SWT1: variants seen among roughly 807,000 people sequenced by gnomAD.
SWT1 encodes transcriptional protein SWT1.
A neutral mutation model predicts 107.3 loss-of-function variants in SWT1; 33 were observed. The observed-to-expected ratio is 0.31, with a 90% CI of 0.23 to 0.41. The LOEUF (loss-of-function observed/expected upper bound fraction) is 0.41, where lower values mean the gene tolerates loss of function less well. SWT1 is among the 10% of genes least tolerant of loss of function. The pLI, the probability that SWT1 is intolerant of heterozygous loss-of-function variation, is 1.00. For synonymous variants in SWT1, 345 were observed against 348.3 expected (o/e 0.99, Z 0.11); for missense variants, 898 against 1,028.9 (o/e 0.87, Z 1.74).
rs76482211 is a variant in SWT1, at chr1:185,205,709, A to T, written c.1833+846A>T. The stretch of plus-strand genomic sequence containing the variant: ...ATCAATCATAGCTTGTATCTATTCC[A>T]GCTGTTCTGTGAGATTCTAATATTT... On this transcript the variant is annotated intron_variant, in intron 12 of 18. Coordinates refer to ENST00000367500, the MANE Select transcript of SWT1 (RefSeq NM_017673.7). Among the ~76,000 whole-genome samples the T allele has an allele frequency of 5.9e-3, 902 of 152,280 alleles. 33 individuals are homozygous for T. The East Asian group carries it at 0.096, about 16-fold the overall frequency.
rs575718602 is a variant in SWT1 at position 185,206,565 on chromosome 1, C to CT, written c.1834-55dup. 8.0e-5 allele frequency: 86 copies of CT among 1,071,592 alleles called. No individual in the cohort carries two copies. In the African/African-American group the frequency reaches 1.3e-3, roughly 16 times the overall value. The allele number at this position is 1,071,592 out of a possible 1,614,324, so 66.4% of individuals were successfully genotyped here. A position where few individuals can be genotyped will look rare whatever the true frequency, so the allele number is the denominator to read the frequency against. Reference sequence around the variant, plus strand: ...ATATGTAGGAATTCCTAAATAGGTACTTTTTAATAATTGGAATAATAAATC... The same window carrying CT: ...ATATGTAGGAATTCCTAAATAGGTACTTTTTTAATAATTGGAATAATAAATC... On this transcript the variant is annotated intron_variant, in intron 12 of 18. Coordinates refer to ENST00000367500, the MANE Select transcript of SWT1 (RefSeq NM_017673.7).
intron 10 of SWT1, among the ~76,000 whole-genome samples, chr1:185,196,882 A>G (rs1177249900): frequency 2.0e-5 from 3 of 152,044 alleles, no homozygotes; most frequent in South Asian, 2.1e-4. Context: ...AAAATATGCA[A>G]TCATGTCATC....
chr1:185,237,288 C>G (rs1253364895), intron 16 of SWT1, among the ~76,000 whole-genome samples: 1 of 152,148 alleles, frequency 6.6e-6, no homozygotes, highest in Non-Finnish European at 1.5e-5. Context: ...ATAGCAAAGA[C>G]TTGAAACCAA....
chr1:185,202,685 A>T lies in SWT1; in HGVS notation c.1555A>T (p.Ile519Leu). 1 of 1,609,106 alleles carries T rather than the reference A, an allele frequency of 6.2e-7. No homozygotes were observed. The highest frequency in any genetic ancestry group is 1.1e-5 in the South Asian group (1 of 89,968). Reference sequence around the variant, plus strand: ...TAGAAACTTAAGAAACAAAGGCCTAATAAGTGGTGTGAAGTCACTCAGTAA... The same window carrying T: ...TAGAAACTTAAGAAACAAAGGCCTATTAAGTGGTGTGAAGTCACTCAGTAA... ...DDRNLRNKGL[I>L]SGVKSLSKEE... is the part of the protein sequence containing the mutation. Residue 519 changes from isoleucine (I) to leucine (L), a missense_variant, in exon 11 of 19, where the codon ATA (isoleucine) becomes TTA (leucine). By Grantham distance (5) the Ile-to-Leu change is conservative. This residue lies in a region of SWT1 where 382 missense variants were observed against 460.0 expected (regional missense o/e 0.83). Transcript: ENST00000367500.
intron 5 of SWT1, among the ~76,000 whole-genome samples, chr1:185,180,029 T>C (rs956428981): frequency 2.6e-5 from 4 of 152,110 alleles, no homozygotes; most frequent in African/African-American, 9.7e-5. Flanking sequence ...TTACAAAATA[T>C]ACAAAAATTA....
intron 1 of SWT1, among the ~76,000 whole-genome samples, chr1:185,157,834 A>T (rs1016633107): frequency 1.3e-5 from 2 of 152,192 alleles, no homozygotes; most frequent in African/African-American, 4.8e-5. Context: ...CGGGGCATTT[A>T]ATTTTGATGC....
chr1:185,188,531 C>T (rs1310353325), intron 9 of SWT1, among the ~76,000 whole-genome samples: 2 of 152,202 alleles, frequency 1.3e-5, no homozygotes, highest in African/African-American at 4.8e-5. Context: ...TCCTCACACT[C>T]ATGTCCTGAC....
chr1:185,284,804 A>G (rs977110924), intron 18 of SWT1, among the ~76,000 whole-genome samples: 1 of 152,194 alleles, frequency 6.6e-6, no homozygotes, highest in Non-Finnish European at 1.5e-5. Flanking sequence ...ATTTAGCTCA[A>G]GGGGGAGTGA....
At chr1:185,267,254 G>A (rs941564293) in intron 16 of SWT1, among the ~76,000 whole-genome samples, 54 of 152,118 alleles carry the variant, frequency 3.5e-4, no homozygotes, top group African/African-American at 1.3e-3. Flanking sequence ...TACTTAATTC[G>A]AACGGTAACT....
intron 1 of SWT1, among the ~76,000 whole-genome samples, chr1:185,159,794 T>C (rs532539062): frequency 7.7e-4 from 117 of 152,280 alleles, no homozygotes; most frequent in African/African-American, 2.7e-3. Context: ...GGCACAATCT[T>C]ACTCACTACA....
chr1:185,201,523 C>T (rs1181015958), intron 10 of SWT1, among the ~76,000 whole-genome samples: 1 of 152,170 alleles, frequency 6.6e-6, no homozygotes, highest in Non-Finnish European at 1.5e-5. Context: ...TGACCTCTTG[C>T]ACTTCCTGGG....
chr1:185,229,601 C>T (rs906115853), intron 15 of SWT1, among the ~76,000 whole-genome samples: 2 of 151,626 alleles, frequency 1.3e-5, no homozygotes, highest in African/African-American at 2.4e-5. Flanking sequence ...TTTTCTCTCT[C>T]GGTCTCCTCC....
At chr1:185,257,146 C>T (rs1390146452) in intron 16 of SWT1, among the ~76,000 whole-genome samples, 3 of 152,156 alleles carry the variant, frequency 2.0e-5, no homozygotes, top group African/African-American at 7.2e-5. Flanking sequence ...GTTCTCATAT[C>T]TCCAGCTGTG....
At chr1:185,252,192 T>G (rs1233789415) in intron 16 of SWT1, among the ~76,000 whole-genome samples, 3 of 152,316 alleles carry the variant, frequency 2.0e-5, no homozygotes, top group Non-Finnish European at 4.4e-5. Context: ...TGGTGGACAT[T>G]TGGGTTGGTT....
intron 18 of SWT1, among the ~76,000 whole-genome samples, chr1:185,286,137 G>GTAT (rs1460282602): frequency 2.4e-4 from 36 of 152,164 alleles, no homozygotes; most frequent in African/African-American, 8.7e-4. Context: ...AGTTTGGGGA[G>GTAT]TATTACCATC....
intron 16 of SWT1, among the ~76,000 whole-genome samples, chr1:185,238,649 G>A (rs1005824899): frequency 6.6e-6 from 1 of 152,050 alleles, no homozygotes; most frequent in East Asian, 1.9e-4. Flanking sequence ...CCAGTAGGGA[G>A]CATTGTGAAT....
At chr1:185,282,226 C>CT (rs1466238755) in intron 18 of SWT1, among the ~76,000 whole-genome samples, 1 of 152,134 alleles carries the variant, frequency 6.6e-6, no homozygotes, top group Non-Finnish European at 1.5e-5. Flanking sequence ...CATTCTCTGC[C>CT]TTTTAACACT....
chr1:185,188,658 G>A (rs1247212021), intron 9 of SWT1, among the ~76,000 whole-genome samples: 1 of 152,160 alleles, frequency 6.6e-6, no homozygotes, highest in Admixed American at 6.5e-5. Flanking sequence ...TTGCATGAAC[G>A]AATGAGTTTT....
At chr1:185,235,970 T>C (rs1010371928) in intron 16 of SWT1, among the ~76,000 whole-genome samples, 5 of 152,032 alleles carry the variant, frequency 3.3e-5, no homozygotes, top group African/African-American at 4.8e-5. Flanking sequence ...ATAAAATACC[T>C]AGGAATACAA....
Sources: gnomAD v4.1 joint callset for allele counts (sites outside exome capture counted in the v4.1 genomes callset) on GRCh38, gnomAD v4.1.1 for gene constraint, gnomAD v4.1.1 regional missense constraint, MANE v1.5 for transcripts, NCBI Gene and HGNC (gene_info 2026-07-23, HGNC 2026-07-21) for gene names.